CNTNAP2: variants seen among roughly 807,000 people sequenced by gnomAD.
CNTNAP2 encodes the protein contactin associated protein 2.
Under a neutral mutation model 155.2 loss-of-function variants are expected in CNTNAP2, and 98 were observed. The observed-to-expected ratio is 0.63, with a 90% CI of 0.54 to 0.75. CNTNAP2 has a LOEUF of 0.75. CNTNAP2 is among the 30% of genes least tolerant of loss of function. The pLI is 0.00. For synonymous variants in CNTNAP2, 651 were observed against 631.2 expected (o/e 1.03, Z -0.47); for missense variants, 1,727 against 1,688.1 (o/e 1.02, Z -0.40).
intron 1 of CNTNAP2, among the ~76,000 whole-genome samples, chr7:146,508,953 G>A (rs1189749070): frequency 1.3e-5 from 2 of 152,052 alleles, no homozygotes; most frequent in East Asian, 3.9e-4. Context: ...CCTTTTTATG[G>A]CATAGACTCC....
chr7:148,393,122 A>C (rs1045878043), intron 22 of CNTNAP2, among the ~76,000 whole-genome samples: 3 of 152,200 alleles, frequency 2.0e-5, no homozygotes, highest in African/African-American at 7.2e-5. Flanking sequence ...AAAATTACAT[A>C]TATCATCTAT....
intron 13 of CNTNAP2, among the ~76,000 whole-genome samples, chr7:147,900,261 A>G (rs1017220636): frequency 5.9e-5 from 9 of 152,090 alleles, no homozygotes; most frequent in African/African-American, 1.9e-4. Context: ...TTGTAATCTG[A>G]ATTGTAACCC....
intron 3 of CNTNAP2, among the ~76,000 whole-genome samples, chr7:146,966,361 C>G (rs1797656769): frequency 6.6e-6 from 1 of 152,200 alleles, no homozygotes; most frequent in South Asian, 2.1e-4. Flanking sequence ...CACACTCTTA[C>G]ATGAAAATTC....
chr7:147,892,639 A>G (rs577709414), intron 13 of CNTNAP2, among the ~76,000 whole-genome samples: 17 of 152,350 alleles, frequency 1.1e-4, no homozygotes, highest in African/African-American at 3.4e-4. Context: ...TAAGACTTAA[A>G]GTGATTTGAT....
At chr7:146,774,102 GTTATA>G (rs1226979526) in intron 1 of CNTNAP2, among the ~76,000 whole-genome samples, 164 bp from the exon 2 acceptor site, 15 of 152,160 alleles carry the variant, frequency 9.9e-5, no homozygotes, top group African/African-American at 3.1e-4. Context: ...CAGCTCCTGT[GTTATA>G]TTATATTTAG....
intron 13 of CNTNAP2, among the ~76,000 whole-genome samples, chr7:147,803,800 A>G (rs1798045794): frequency 6.6e-6 from 1 of 152,210 alleles, no homozygotes; most frequent in East Asian, 1.9e-4. Flanking sequence ...ACACAGAGAC[A>G]GCTGCCTTAT....
intron 4 of CNTNAP2, among the ~76,000 whole-genome samples, chr7:147,094,106 C>T (rs1800472251): frequency 6.6e-6 from 1 of 152,064 alleles, no homozygotes; most frequent in South Asian, 2.1e-4. Flanking sequence ...GCAGCCGCAA[C>T]CCCATGGCAC....
At chr7:146,977,374 A>G (rs972670073) in intron 3 of CNTNAP2, among the ~76,000 whole-genome samples, 2 of 152,194 alleles carry the variant, frequency 1.3e-5, no homozygotes, top group Non-Finnish European at 2.9e-5. Context: ...AAGGAAAGGA[A>G]TAGAAATGTA....
intron 21 of CNTNAP2, among the ~76,000 whole-genome samples, chr7:148,325,799 A>G (rs1171913161): frequency 6.6e-6 from 1 of 152,096 alleles, no homozygotes; most frequent in African/African-American, 2.4e-5. Context: ...AGTTATTTTC[A>G]GGCATCTACC....
intron 12 of CNTNAP2, among the ~76,000 whole-genome samples, chr7:147,606,372 G>A (rs568959704): frequency 4.6e-5 from 7 of 152,228 alleles, no homozygotes; most frequent in South Asian, 4.1e-4. Context: ...TTTCTTGAAC[G>A]TTTCCCCTTG....
intron 1 of CNTNAP2, among the ~76,000 whole-genome samples, chr7:146,672,870 T>C (rs1317279394): frequency 6.6e-6 from 1 of 152,222 alleles, no homozygotes. Context: ...TTCATGTTTC[T>C]ATAAGATAGG....
intron 1 of CNTNAP2, among the ~76,000 whole-genome samples, chr7:146,244,581 G>A (rs899311165): frequency 1.3e-5 from 2 of 152,130 alleles, no homozygotes; most frequent in Non-Finnish European, 2.9e-5. Flanking sequence ...GCTTGGTGAG[G>A]TGTGTTTTTA....
chr7:148,338,903 A>AC (rs1316264054), intron 21 of CNTNAP2, among the ~76,000 whole-genome samples: 3 of 152,162 alleles, frequency 2.0e-5, no homozygotes, highest in Non-Finnish European at 4.4e-5. Context: ...ATTACACAGG[A>AC]CGTAACCTGT....
intron 18 of CNTNAP2, among the ~76,000 whole-genome samples, chr7:148,179,492 G>A (rs1794997870): frequency 1.3e-5 from 2 of 150,130 alleles, no homozygotes; most frequent in Non-Finnish European, 3.0e-5. Flanking sequence ...GGGCAACAGA[G>A]CAAGACTGAG....
chr7:147,889,017 A>G (rs1403911488), intron 13 of CNTNAP2, among the ~76,000 whole-genome samples: 1 of 152,158 alleles, frequency 6.6e-6, no homozygotes. Context: ...CCTTATATGT[A>G]AGGAACAGAA....
intron 3 of CNTNAP2, among the ~76,000 whole-genome samples, chr7:146,963,406 A>C (rs1279036507): frequency 2.0e-5 from 3 of 152,202 alleles, no homozygotes; most frequent in Admixed American, 2.0e-4. Flanking sequence ...GGAAAGAAAA[A>C]TGTCCTAAAC....
chr7:146,871,739 T>G (rs1795313300), intron 3 of CNTNAP2, among the ~76,000 whole-genome samples: 1 of 152,208 alleles, frequency 6.6e-6, no homozygotes, highest in Admixed American at 6.5e-5. Context: ...GTATTTTTGG[T>G]TATAAATCAT....
At chr7:147,404,385 A>G (rs1177145926) in intron 10 of CNTNAP2, among the ~76,000 whole-genome samples, 1 of 152,178 alleles carries the variant, frequency 6.6e-6, no homozygotes, top group Non-Finnish European at 1.5e-5. Context: ...CTAATCCCCA[A>G]CTTAAACATA....
At chr7:147,190,887 A>C (rs1802666392) in intron 8 of CNTNAP2, among the ~76,000 whole-genome samples, 1 of 152,250 alleles carries the variant, frequency 6.6e-6, no homozygotes. Context: ...GAAGACAGGA[A>C]AATGATTGTG....
Sources: gnomAD v4.1 joint callset for allele counts (sites outside exome capture counted in the v4.1 genomes callset) on GRCh38, gnomAD v4.1.1 for gene constraint, MANE v1.5 for transcripts, NCBI Gene and HGNC (gene_info 2026-07-23, HGNC 2026-07-21) for gene names.